Variants in FCSK observed in about 807,000 individuals in gnomAD.
FCSK encodes fucose kinase, also known as L-fucose kinase.
A neutral mutation model predicts 122.5 loss-of-function variants in FCSK; 123 were observed. The observed-to-expected ratio is 1.00, with a 90% CI of 0.87 to 1.17. FCSK has a LOEUF of 1.17. Ranked by LOEUF, FCSK falls within the 50% of genes most tolerant of loss-of-function variation. The pLI is 0.00. For synonymous variants in FCSK, 620 were observed against 625.5 expected, an observed-to-expected ratio of 0.99 and a Z score of 0.13; for missense variants, 1,366 against 1,450.4, an observed-to-expected ratio of 0.94 and a Z score of 0.95.
At position 70,472,933 on chromosome 16, in the gene FCSK, G is replaced by A. The variant is rs575857439; in HGVS notation, c.1407-50G>A. ...CAGGCGGCTCAGGGCTTGGGGAAGA[G>A]ACTGGAGCTTTTGCTTCCCTCCTGG... On this transcript the variant is annotated intron_variant, in intron 14 of 23. Transcript: ENST00000288078. 30 of 1,553,408 alleles carry A rather than the reference G, an allele frequency of 1.9e-5. No homozygotes were observed. The Admixed American group carries it at 5.7e-4, about 29-fold the overall frequency.
chr16:70,477,024 G>A (rs1020345181), intron 20 of FCSK, among the ~76,000 whole-genome samples: 4 of 152,196 alleles, frequency 2.6e-5, no homozygotes, highest in Non-Finnish European at 4.4e-5. Flanking sequence ...GCACAGTTAA[G>A]TCTTGACATT....
intron 8 of FCSK, among the ~76,000 whole-genome samples, chr16:70,468,584 C>T (rs1413571449): frequency 6.6e-6 from 1 of 151,978 alleles, no homozygotes; most frequent in Non-Finnish European, 1.5e-5. Context: ...ATTGGAGAGG[C>T]ATGGAGATCT....
rs115967077 is a variant in FCSK at position 70,471,111 on chromosome 16, C to T, written c.1170+39C>T. On this transcript the variant is annotated intron_variant, in intron 12 of 23. Coordinates refer to ENST00000288078, the MANE Select transcript of FCSK (RefSeq NM_145059.3). ...GTGTGGGCAGATTGGGGCGAGGGTGCTGGCATCCCGCATGTGTTGGGGGGT... is the reference window on the plus strand; with the variant it reads ...GTGTGGGCAGATTGGGGCGAGGGTGTTGGCATCCCGCATGTGTTGGGGGGT... 1,770 of 1,590,004 alleles carry T rather than the reference C, an allele frequency of 1.1e-3. 19 individuals are homozygous for T. The African/African-American group carries it at 0.021, about 19-fold the overall frequency.
At chr16:70,475,823 G>C (rs997400418) in intron 20 of FCSK, 56 bp downstream of exon 20, 2 of 1,473,124 alleles carry the variant, frequency 1.4e-6, no homozygotes, top group South Asian at 1.4e-5. Context: ...AAGGGCCCGC[G>C]GGGGGAGTGG....
intron 3 of FCSK, among the ~76,000 whole-genome samples, chr16:70,464,274 G>A (rs2048350265): frequency 6.6e-6 from 1 of 152,140 alleles, no homozygotes; most frequent in African/African-American, 2.4e-5. Context: ...CAGGGGAGGG[G>A]ACCACTGTAG....
At position 70,475,339 on chromosome 16, in the gene FCSK, T is replaced by C. The variant is rs1374651651; in HGVS notation, c.2378-11T>C. The C allele has an allele frequency of 4.4e-6, 7 of 1,608,812 alleles. No homozygotes were observed. The highest frequency in any genetic ancestry group is 5.1e-6 in the Non-Finnish European group (6 of 1,179,854). ...AGACTGAATTCCTTTCTCATGCCTG[T>C]CCTTCTGCAGGGGCCCTGCTGAAGG... On this transcript the variant is annotated splice_polypyrimidine_tract_variant and intron_variant, in intron 18 of 23. Coordinates refer to ENST00000288078, the MANE Select transcript of FCSK (RefSeq NM_145059.3).
Position 70,467,967 on chromosome 16 carries a change from G to A in FCSK, c.663+1G>A, listed in dbSNP as rs775831025. The A allele has an allele frequency of 1.9e-6, 3 of 1,613,258 alleles. No individual in the cohort carries two copies. The East Asian group carries it at 6.7e-5, about 36-fold the overall frequency. On this transcript the variant is annotated splice_donor_variant, in intron 8 of 23. Coordinates refer to ENST00000288078, the MANE Select transcript of FCSK (RefSeq NM_145059.3). LOFTEE classifies it high-confidence loss of function. ...CAGGCCTGATGGGCGGGTGCCACTG[G>A]TATGGCTGCTGGGCCCAGGTTGCGG... is the stretch of plus-strand genomic sequence containing the variant.
chr16:70,460,104 CTTT>C (rs564125150), intron 1 of FCSK, among the ~76,000 whole-genome samples: 16 of 126,470 alleles, frequency 1.3e-4, no homozygotes, highest in African/African-American at 5.1e-4. Flanking sequence ...CGTCTAGCCT[CTTT>C]TTTTTTTTTT....
At chr16:70,468,495 ATG>A (rs2048497367) in intron 8 of FCSK, among the ~76,000 whole-genome samples, 1 of 152,170 alleles carries the variant, frequency 6.6e-6, no homozygotes, top group Non-Finnish European at 1.5e-5. Context: ...TAGAACCAGA[ATG>A]TGAGCAAGTT....
At chr16:70,472,738 C>A in intron 14 of FCSK, 133 bp downstream of exon 14, 1 of 840,574 alleles carries the variant, frequency 1.2e-6, no homozygotes, top group Non-Finnish European at 1.8e-6. Context: ...TGGTTTTGGG[C>A]AGCCGGATTC....
rs2048733990 is a variant in FCSK, at chr16:70,474,514, C to G, written c.1989-14C>G. ...GGGGCTGCATGCCACCATCCCTCCC[C>G]CTTCTCTTGGCAGGCCAGCCTTGCT... is the stretch of plus-strand genomic sequence containing the variant. On this transcript the variant is annotated splice_polypyrimidine_tract_variant and intron_variant, in intron 16 of 23. Transcript: ENST00000288078. The G allele has an allele frequency of 1.3e-6, 2 of 1,547,170 alleles. No individual in the cohort carries two copies. Among genetic ancestry groups the G allele is most frequent in the Non-Finnish European group, 1.7e-6 (2 of 1,146,818 alleles).
rs1278996517 is a variant in FCSK, at chr16:70,479,623, G to A, written c.3198G>A (p.Gln1066=). 6.2e-7 allele frequency: 1 copy of A among 1,614,140 alleles called. No homozygotes were observed. The highest frequency in any genetic ancestry group is 2.2e-5 in the East Asian group (1 of 44,890). Residue 1066 remains glutamine (Q), a synonymous_variant, in exon 24 of 24, where the codon CAG becomes CAA. Transcript: ENST00000288078. ...TCCACCTGGTTGAAGTGGACACTCA[G>A]GGCCTGAGCCTGAAGCTGCTGGGGA... is the stretch of plus-strand genomic sequence containing the variant. ...YSIHLVEVDT[Q]GLSLKLLGTE... is the part of the protein sequence containing the mutation.
In FCSK at chr16:70,473,426, CCT is replaced by C; in HGVS notation, c.1777+74_1777+75del. ...GCCCTCCCTGTCCTCTGGGCCATCC[CCT>C]GAGGGGACTAGGGGACCATGAGGTG... On this transcript the variant is annotated intron_variant, in intron 15 of 23. Transcript: ENST00000288078. This position sits in a 1 kb window ranked among gnomAD's most constrained non-coding sequence, Gnocchi z 4.9. 5 of 1,421,172 alleles carry C rather than the reference CCT, an allele frequency of 3.5e-6. No individual in the cohort carries two copies. The South Asian group carries it at 5.9e-5, about 17-fold the overall frequency. 88.0% of individuals were successfully genotyped at this position (1,421,172 alleles called of 1,614,324 possible).
Position 70,474,976 on chromosome 16 carries a change from C to A in FCSK, c.2342C>A (p.Ala781Asp). Residue 781 changes from alanine to aspartate, a missense_variant, in exon 18 of 24, where the codon GCT becomes GAT. Ala to Asp is a moderately radical substitution (Grantham distance 126). Coordinates refer to ENST00000288078, the MANE Select transcript of FCSK (RefSeq NM_145059.3). ...GTGAAGATAGTGTGCCGGTGCCTGGCTGACCTGCGGGACTACTGCCAGCCT... is the reference window on the plus strand; with the variant it reads ...GTGAAGATAGTGTGCCGGTGCCTGGATGACCTGCGGGACTACTGCCAGCCT... ...MTVKIVCRCLADLRDYCQPHA... is the reference protein window; with the variant it reads ...MTVKIVCRCLDDLRDYCQPHA... 1 of 1,609,184 alleles carries A rather than the reference C, an allele frequency of 6.2e-7. No homozygotes were observed.
chr16:70,475,788 T>C, intron 20 of FCSK, 21 bp downstream of exon 20: 1 of 1,540,804 alleles, frequency 6.5e-7, no homozygotes, highest in East Asian at 2.3e-5. Context: ...GCCCTGGAGT[T>C]GGAGGAGGTC....
rs570409959 is a variant in FCSK, at chr16:70,475,735, C to T, written c.2609C>T (p.Ala870Val). 5.0e-6 allele frequency: 8 copies of T among 1,596,700 alleles called. No homozygotes were observed. In the South Asian group the frequency reaches 6.7e-5, roughly 13 times the overall value. Residue 870 changes from alanine to valine, a missense_variant, in exon 20 of 24, where the codon GCA (alanine) becomes GTA (valine). By Grantham distance (64) the Ala-to-Val change is moderately conservative. Coordinates refer to ENST00000288078, the MANE Select transcript of FCSK (RefSeq NM_145059.3). ...GTGGGCACGGAAGCCCTGATCCACG[C>T]AGTGCTGCACCTGGAGCAGGTGCTC... ...RVVGTEALIH[A>V]VLHLEQVLTT...
rs533969798 is a variant in FCSK, at chr16:70,458,528, G to A, written c.-23+3898G>A. Among the ~76,000 whole-genome samples, 40 of 151,278 alleles carry A rather than the reference G, an allele frequency of 2.6e-4. 1 individual carries two copies. In the South Asian group the frequency reaches 6.5e-3, roughly 24 times the overall value. On this transcript the variant is annotated intron_variant, in intron 1 of 23. Transcript: ENST00000288078. ...GTCGCCCAGGCTGGAGTGCAGTGGC[G>A]TGATCTTGGCTCACTGCAACCTCCA... is the stretch of plus-strand genomic sequence containing the variant.
intron 20 of FCSK, chr16:70,476,096 G>A (rs17880242): frequency 0.027 from 4,909 of 178,744 alleles, 291 homozygotes; most frequent in African/African-American, 0.11. Flanking sequence ...TCTGCCTCCC[G>A]GGTTCACGCC....
chr16:70,455,892 A>C (rs1227535286), intron 1 of FCSK, among the ~76,000 whole-genome samples: 1 of 152,110 alleles, frequency 6.6e-6, no homozygotes, highest in African/African-American at 2.4e-5. Context: ...CTGTCTCAAA[A>C]AAAAAAAAAG....
Sources: allele counts gnomAD v4.1 joint callset (sites outside exome capture counted in the v4.1 genomes callset), GRCh38; gene constraint gnomAD v4.1.1; non-coding constraint Gnocchi (gnomAD v3.1); transcripts MANE v1.5; gene names NCBI Gene and HGNC (gene_info 2026-07-23, HGNC 2026-07-21).